ARHGAP29: variants seen among roughly 807,000 people sequenced by gnomAD.
ARHGAP29 encodes rho GTPase-activating protein 29.
In ARHGAP29, 43 loss-of-function variants were observed where a neutral mutation model predicts 122.6. That is an observed-to-expected ratio of 0.35 (90% CI 0.27 to 0.45). The LOEUF (loss-of-function observed/expected upper bound fraction) is 0.45. Among genes scored for constraint, ARHGAP29 ranks in the 20% least tolerant of loss-of-function variants. The probability of loss-of-function intolerance (pLI) is 1.00; values close to 1 mark genes in which losing one functional copy is unlikely to be tolerated. For missense variants in ARHGAP29, 1,303 were observed against 1,477.2 expected (o/e 0.88, Z 1.93); for synonymous variants, 506 against 497.1 (o/e 1.02, Z -0.24).
rs535324847 is a variant in ARHGAP29, at chr1:94,184,428, G to A, written c.2110-140C>T. 8.7e-6 allele frequency: 6 copies of A among 689,008 alleles called. No individual in the cohort carries two copies. The South Asian group carries it at 1.4e-4, about 16-fold the overall frequency. 42.7% of individuals were successfully genotyped at this position (689,008 alleles called of 1,614,324 possible). ...TTATTTTAGAAAAAAACTATTCAAGGCCAAATGAAGTAACATTTCCTATAG... is the reference window on the plus strand; with the variant it reads ...TTATTTTAGAAAAAAACTATTCAAGACCAAATGAAGTAACATTTCCTATAG... On this transcript the variant is annotated intron_variant, in intron 18 of 22. Coordinates refer to ENST00000260526, the MANE Select transcript of ARHGAP29 (RefSeq NM_004815.4).
intron 2 of ARHGAP29, among the ~76,000 whole-genome samples, chr1:94,220,970 T>C (rs1351118308): frequency 6.6e-6 from 1 of 152,112 alleles, no homozygotes; most frequent in Non-Finnish European, 1.5e-5. Context: ...AGGGCCACAT[T>C]CCTCCTTGGC....
chr1:94,297,198 T>A, the ARHGAP29 span, among the ~76,000 whole-genome samples: 1 of 152,140 alleles, frequency 6.6e-6, no homozygotes, highest in African/African-American at 2.4e-5. Context: ...TGAAACAACA[T>A]GTTGAGCCTG....
upstream of ARHGAP29, among the ~76,000 whole-genome samples, chr1:94,241,367 G>A (rs541545128): frequency 9.2e-5 from 14 of 152,130 alleles, no homozygotes; most frequent in East Asian, 1.9e-4. Flanking sequence ...TGTAATCCCA[G>A]CACGTTGGGA....
rs1361077559 is a variant in ARHGAP29 at position 94,184,131 on chromosome 1, T to C, written c.2247+20A>G. ...GCTGTTTTTAATTTAATGGTGGGTT[T>C]CAAGGGTAAAAATTTTTACCTGCCG... is the stretch of plus-strand genomic sequence containing the variant. On this transcript the variant is annotated intron_variant, in intron 19 of 22. Transcript: ENST00000260526. The C allele has an allele frequency of 6.2e-7, 1 of 1,600,890 alleles. No individual in the cohort carries two copies. The highest frequency in any genetic ancestry group is 2.2e-5 in the East Asian group (1 of 44,716).
At chr1:94,260,542 G>A (rs1654520959) in intron 1 of ARHGAP29, among the ~76,000 whole-genome samples, 1 of 152,192 alleles carries the variant, frequency 6.6e-6, no homozygotes, top group Admixed American at 6.5e-5. Context: ...TGGCAAGGAA[G>A]CTTTACTTAA....
At chr1:94,230,239 C>A (rs1409391120) in intron 2 of ARHGAP29, among the ~76,000 whole-genome samples, 1 of 151,582 alleles carries the variant, frequency 6.6e-6, no homozygotes, top group African/African-American at 2.4e-5. Flanking sequence ...AAATTTACTA[C>A]CATTATAATA....
At position 94,212,180 on chromosome 1, in the gene ARHGAP29, G is replaced by A. The variant is rs138351552; in HGVS notation, c.341-2830C>T. 2.1e-3 allele frequency among the ~76,000 whole-genome samples: 325 copies of A among 152,256 alleles called. 1 individual carries two copies. The highest frequency in any genetic ancestry group is 7.3e-3 in the African/African-American group (304 of 41,542). Reference sequence around the variant, plus strand: ...TGTAATCAATCCCACCTACTCAGGAGGCTGAGGCAGGAGACTGCAGTGGGC... The same window carrying A: ...TGTAATCAATCCCACCTACTCAGGAAGCTGAGGCAGGAGACTGCAGTGGGC... On this transcript the variant is annotated intron_variant, in intron 3 of 22. Coordinates refer to ENST00000260526, the MANE Select transcript of ARHGAP29 (RefSeq NM_004815.4).
the ARHGAP29 span, among the ~76,000 whole-genome samples, chr1:94,293,932 G>C: frequency 6.6e-6 from 1 of 152,138 alleles, no homozygotes; most frequent in Non-Finnish European, 1.5e-5. Context: ...TAGAAGGTTA[G>C]GCTGAATGTC....
intron 1 of ARHGAP29, among the ~76,000 whole-genome samples, chr1:94,234,687 T>C (rs983809845): frequency 2.0e-5 from 3 of 152,206 alleles, no homozygotes; most frequent in Admixed American, 1.3e-4. Flanking sequence ...TATCTAAGTC[T>C]TCCTTCCCAT....
rs75830223 is a variant in ARHGAP29 at position 94,204,678 on chromosome 1, A to G, written c.697+383T>C. Among the ~76,000 whole-genome samples, 1,515 of 152,296 alleles carry G rather than the reference A, an allele frequency of 9.9e-3. 20 individuals are homozygous for G. The highest frequency in any genetic ancestry group is 0.034 in the African/African-American group (1,422 of 41,552). On this transcript the variant is annotated intron_variant, in intron 7 of 22. Transcript: ENST00000260526. ...AGATAATGACTACGAAAACATTTTG[A>G]TAACTGTAAAACACTGAGGAAATAT...
At chr1:94,263,482 A>G (rs1224857059) in intron 1 of ARHGAP29, among the ~76,000 whole-genome samples, 2 of 152,200 alleles carry the variant, frequency 1.3e-5, no homozygotes, top group African/African-American at 4.8e-5. Context: ...GACATCATGC[A>G]GACCACGTAC....
the ARHGAP29 span, among the ~76,000 whole-genome samples, chr1:94,293,870 C>T: frequency 6.6e-6 from 1 of 152,098 alleles, no homozygotes. Context: ...TTTATTAAAC[C>T]ACTGGCCACT....
rs1491073354 is a variant in ARHGAP29, at chr1:94,253,672, A to ACGCACG, written c.-33+21339_-33+21340insCGTGCG. On this transcript the variant is annotated intron_variant and NMD_transcript_variant, in intron 1 of 25. Coordinates refer to the ARHGAP29 transcript ENST00000552844. The stretch of plus-strand genomic sequence containing the variant: ...CGCACGCACGCACGCACGCACGCAC[A>ACGCACG]TGCACACATTAAGGCTTTTCTCTAA... Among the ~76,000 whole-genome samples the ACGCACG allele has an allele frequency of 8.9e-5, 11 of 123,736 alleles. No homozygotes were observed. The East Asian group carries it at 2.1e-3, about 24-fold the overall frequency. 81.2% of individuals were successfully genotyped at this position (123,736 alleles called of 152,430 possible).
chr1:94,186,685 C>T, intron 15 of ARHGAP29, 88 bp from the exon 16 acceptor site: 1 of 979,126 alleles, frequency 1.0e-6, no homozygotes, highest in Non-Finnish European at 1.6e-6. Flanking sequence ...AATAACACGT[C>T]ATACTATTTT....
At chr1:94,260,754 G>C (rs912135625) in intron 1 of ARHGAP29, among the ~76,000 whole-genome samples, 1 of 152,114 alleles carries the variant, frequency 6.6e-6, no homozygotes, top group African/African-American at 2.4e-5. Flanking sequence ...GAAGTTGGCT[G>C]GTAGTGGCAG....
intron 1 of ARHGAP29, among the ~76,000 whole-genome samples, chr1:94,234,931 A>G (rs1653158906): frequency 6.6e-6 from 1 of 152,190 alleles, no homozygotes; most frequent in Admixed American, 6.5e-5. Context: ...ATTTTAGCAG[A>G]AATAATTTAC....
chr1:94,226,096 TA>T (rs770372649), intron 2 of ARHGAP29, among the ~76,000 whole-genome samples: 16 of 151,830 alleles, frequency 1.1e-4, no homozygotes, highest in East Asian at 1.9e-4. Flanking sequence ...TTTCTTTCAT[TA>T]AAAAAAAAAC....
intron 7 of ARHGAP29, among the ~76,000 whole-genome samples, chr1:94,204,207 CCCAGGCTCAAGTGATCTT>C (rs1205416500): frequency 1.6e-4 from 24 of 151,474 alleles, no homozygotes; most frequent in African/African-American, 5.3e-4. Context: ...GTCTCGAACT[CCCAGGCTCAAGTGATCTT>C]CCAGGCTCAA....
At chr1:94,226,869 C>A (rs749078500) in intron 2 of ARHGAP29, among the ~76,000 whole-genome samples, 1 of 151,932 alleles carries the variant, frequency 6.6e-6, no homozygotes, top group Non-Finnish European at 1.5e-5. Flanking sequence ...TAAGACAGAG[C>A]AGTACACATC....
Sources: allele counts gnomAD v4.1 joint callset (sites outside exome capture counted in the v4.1 genomes callset), GRCh38; gene constraint gnomAD v4.1.1; transcripts MANE v1.5; gene names NCBI Gene and HGNC (gene_info 2026-07-23, HGNC 2026-07-21).